ATP2B2: variants seen among roughly 807,000 people sequenced by gnomAD.
ATP2B2 encodes the protein plasma membrane calcium-transporting ATPase 2.
Under a neutral mutation model 120.0 loss-of-function variants are expected in ATP2B2, and 15 were observed. The observed-to-expected ratio is 0.12, with a 90% confidence interval of 0.08 to 0.19. ATP2B2 has a LOEUF of 0.19. Ranked by LOEUF, ATP2B2 falls within the 10% of genes least tolerant of loss-of-function variation. The pLI is 1.00. For synonymous variants in ATP2B2, 694 were observed against 700.3 expected (o/e 0.99, Z 0.14); for missense variants, 1,045 against 1,719.8 (o/e 0.61, Z 6.94).
chr3:10,567,689 CAA>C (rs2068038601), intron 2 of ATP2B2, among the ~76,000 whole-genome samples: 1 of 152,178 alleles, frequency 6.6e-6, no homozygotes, highest in Admixed American at 6.5e-5. Flanking sequence ...ATTAGTTATT[CAA>C]GTTATTATTT....
chr3:10,632,717 G>A (rs774260246), intron 1 of ATP2B2, among the ~76,000 whole-genome samples: 10 of 152,252 alleles, frequency 6.6e-5, no homozygotes, highest in Non-Finnish European at 1.2e-4. Context: ...GGATGAGCCA[G>A]CTCTGCCAGG....
chr3:10,640,850 G>A (rs2070151955), intron 1 of ATP2B2, among the ~76,000 whole-genome samples: 1 of 152,238 alleles, frequency 6.6e-6, no homozygotes, highest in African/African-American at 2.4e-5. Flanking sequence ...CCAGATCATA[G>A]TACAGAGGGA....
intron 1 of ATP2B2, among the ~76,000 whole-genome samples, chr3:10,623,582 T>C (rs2069610649): frequency 6.6e-6 from 1 of 152,208 alleles, no homozygotes; most frequent in African/African-American, 2.4e-5. Context: ...AGCACTTTTA[T>C]CCTTCGAAAG....
intron 1 of ATP2B2, among the ~76,000 whole-genome samples, chr3:10,488,861 CA>C (rs2065830170): frequency 6.6e-6 from 1 of 152,088 alleles, no homozygotes; most frequent in Non-Finnish European, 1.5e-5. Context: ...CACACACAGT[CA>C]GACAAAAATC....
At chr3:10,612,765 C>T (rs2069276999) in intron 2 of ATP2B2, among the ~76,000 whole-genome samples, 1 of 152,180 alleles carries the variant, frequency 6.6e-6, no homozygotes, top group African/African-American at 2.4e-5. Flanking sequence ...AAACCTATTG[C>T]CCCCTCTCTG....
intron 2 of ATP2B2, among the ~76,000 whole-genome samples, chr3:10,436,292 A>T (rs1382710613): frequency 6.6e-6 from 1 of 152,212 alleles, no homozygotes; most frequent in Non-Finnish European, 1.5e-5. Context: ...ATTTTACTAC[A>T]TTTCACTATT....
At chr3:10,338,379 C>G in intron 21 of ATP2B2, 21 bp from the exon 22 acceptor site, 1 of 1,614,100 alleles carries the variant, frequency 6.2e-7, no homozygotes, top group Non-Finnish European at 8.5e-7. Flanking sequence ...CCCTGTCTGT[C>G]AGGACGGTGG....
chr3:10,389,282 G>A (rs553462392), intron 5 of ATP2B2, among the ~76,000 whole-genome samples: 1 of 152,340 alleles, frequency 6.6e-6, no homozygotes, highest in South Asian at 2.1e-4. Context: ...GAGCCTTGTT[G>A]CTGCTTGCAG....
In ATP2B2 at chr3:10,343,199, C is replaced by T. The variant is rs927190024; in HGVS notation, c.2704-234G>A. On this transcript the variant is annotated intron_variant, in intron 18 of 22. Transcript: ENST00000360273. The surrounding 1 kb of genome is among the most constrained non-coding windows in gnomAD (Gnocchi z 4.2). ...AGGAGATAAGTGAGTCCCCCCAGGC[C>T]CAATGGCCACCAGCTCCCTGCCTTC... Among the ~76,000 whole-genome samples, 3 of 152,284 alleles carry T rather than the reference C, an allele frequency of 2.0e-5. No homozygotes were observed. Among genetic ancestry groups the T allele is most frequent in the African/African-American group, 7.2e-5 (3 of 41,554 alleles).
chr3:10,340,684 C>T lies in ATP2B2; in HGVS notation c.2938G>A (p.Asp980Asn), dbSNP rs769765695. The T allele has an allele frequency of 6.8e-6, 11 of 1,613,920 alleles. No homozygotes were observed. Among genetic ancestry groups the T allele is most frequent in the Admixed American group, 3.3e-5 (2 of 60,002 alleles). Residue 980 changes from aspartate (D) to asparagine (N), a missense_variant, in exon 20 of 23, where the codon GAC (aspartate) becomes AAC (asparagine). Transcript: ENST00000360273. The surrounding 1 kb of genome is among the most constrained non-coding windows in gnomAD (Gnocchi z 5.0). ...LFVGEKMFQI[D>N]SGRNAPLHSP... ...TGCAGGGGCGCGTTCCTCCCGCTGT[C>T]GATCTGGAACATCTTCTCGCCTGCC...
rs147922701 is a variant in ATP2B2 at position 10,335,416 on chromosome 3, G to A, written c.3420+2760C>T. 6.2e-4 allele frequency among the ~76,000 whole-genome samples: 94 copies of A among 152,338 alleles called. 1 individual carries two copies. Among genetic ancestry groups the A allele is most frequent in the Admixed American group, 2.1e-3 (32 of 15,302 alleles). On this transcript the variant is annotated intron_variant, in intron 22 of 22. Transcript: ENST00000360273. ...GGGGAGGAGTGACAGGAAGCGGGCA[G>A]AGACTCTGAACTGCTGGGGTGCAGC...
intron 14 of ATP2B2, among the ~76,000 whole-genome samples, chr3:10,352,014 A>C (rs2060593314): frequency 6.6e-6 from 1 of 152,266 alleles, no homozygotes; most frequent in Non-Finnish European, 1.5e-5. Context: ...CGGCAGCCCT[A>C]GAAAACTAGT....
At chr3:10,558,242 C>T (rs2067823519) in intron 2 of ATP2B2, among the ~76,000 whole-genome samples, 2 of 152,336 alleles carry the variant, frequency 1.3e-5, no homozygotes, top group African/African-American at 2.4e-5. Context: ...CCTGTTGGTG[C>T]TCCCAGGATG....
At chr3:10,527,955 A>AGGTGG (rs1363166761) in intron 3 of ATP2B2, among the ~76,000 whole-genome samples, 1 of 137,142 alleles carries the variant, frequency 7.3e-6, no homozygotes, top group Non-Finnish European at 1.6e-5. Flanking sequence ...GTGAGGAGGG[A>AGGTGG]GGTGGGGTGG....
At position 10,326,869 on chromosome 3, in the gene ATP2B2, T is replaced by C; in HGVS notation, c.*1945A>G. On this transcript the variant is annotated 3_prime_UTR_variant, in exon 23 of 23. Coordinates refer to ENST00000360273, the MANE Select transcript of ATP2B2 (RefSeq NM_001001331.4). Reference sequence around the variant, plus strand: ...GACTATGGCTCTTTTCCCGAGTGGCTCTCATCTTGTTTGTGGAAGAGTTCT... The same window carrying C: ...GACTATGGCTCTTTTCCCGAGTGGCCCTCATCTTGTTTGTGGAAGAGTTCT... 1 of 398,896 alleles carries C rather than the reference T, an allele frequency of 2.5e-6. No homozygotes were observed. The highest frequency in any genetic ancestry group is 4.4e-6 in the Non-Finnish European group (1 of 226,034). 24.7% of individuals were successfully genotyped at this position (398,896 alleles called of 1,614,324 possible).
intron 8 of ATP2B2, 146 bp from the exon 9 acceptor site, chr3:10,379,430 G>GGGGA: frequency 5.3e-6 from 5 of 950,118 alleles, no homozygotes; most frequent in Non-Finnish European, 4.9e-6. Flanking sequence ...GATACGGGTT[G>GGGGA]GGGAGGGCCC....
chr3:10,360,186 G>C, intron 12 of ATP2B2, 63 bp from the exon 13 acceptor site: 1 of 1,523,346 alleles, frequency 6.6e-7, no homozygotes, highest in Non-Finnish European at 8.8e-7. Context: ...CTCTGCCCTG[G>C]CTGCCACTGA....
chr3:10,478,530 G>A (rs891924360), intron 1 of ATP2B2, among the ~76,000 whole-genome samples: 5 of 152,082 alleles, frequency 3.3e-5, no homozygotes, highest in South Asian at 2.1e-4. Flanking sequence ...TAGACTCAAC[G>A]TATCTGAAAT....
chr3:10,615,908 T>G (rs946285454), intron 2 of ATP2B2, among the ~76,000 whole-genome samples: 1 of 152,052 alleles, frequency 6.6e-6, no homozygotes, highest in Non-Finnish European at 1.5e-5. Context: ...CTGTGATAGA[T>G]GGGCTCAGCT....
Sources: allele counts gnomAD v4.1 joint callset (sites outside exome capture counted in the v4.1 genomes callset), GRCh38; gene constraint gnomAD v4.1.1; non-coding constraint Gnocchi (gnomAD v3.1); transcripts MANE v1.5; gene names NCBI Gene and HGNC (gene_info 2026-07-23, HGNC 2026-07-21).